Variants in IFI16 observed in about 807,000 individuals in gnomAD.
The protein encoded by IFI16 is interferon gamma inducible protein 16, also known as gamma-interferon-inducible protein 16.
A neutral mutation model predicts 68.4 loss-of-function variants in IFI16; 49 were observed. The observed-to-expected ratio is 0.72, with a 90% CI of 0.57 to 0.91. The LOEUF is 0.91. Ranked by LOEUF, IFI16 falls within the 40% of genes least tolerant of loss-of-function variation. The pLI, the probability that IFI16 is intolerant of heterozygous loss-of-function variation, is 0.00. For missense variants in IFI16, 878 were observed against 942.9 expected (o/e 0.93, Z 0.90); for synonymous variants, 307 against 315.0 (o/e 0.97, Z 0.27).
At chr1:159,017,333 C>T (rs1652997258) in intron 4 of IFI16, among the ~76,000 whole-genome samples, 2 of 152,172 alleles carry the variant, frequency 1.3e-5, no homozygotes, top group Non-Finnish European at 2.9e-5. Flanking sequence ...TGTGTTCTCA[C>T]CTGCTGTAAG....
chr1:159,042,264 A>G (rs1654694678), intron 7 of IFI16, among the ~76,000 whole-genome samples: 1 of 152,108 alleles, frequency 6.6e-6, no homozygotes, highest in Non-Finnish European at 1.5e-5. Context: ...TTGATTGGAA[A>G]CCCAAAGCAT....
At chr1:159,050,885 T>A (rs1351792680) in intron 9 of IFI16, among the ~76,000 whole-genome samples, 1 of 152,202 alleles carries the variant, frequency 6.6e-6, no homozygotes, top group Non-Finnish European at 1.5e-5. Context: ...GCTGCCTTAA[T>A]GATGTTTTTG....
chr1:159,024,557 C>G (rs1388426750), intron 6 of IFI16, among the ~76,000 whole-genome samples: 1 of 152,186 alleles, frequency 6.6e-6, no homozygotes, highest in Non-Finnish European at 1.5e-5. Flanking sequence ...GTCCCATTTA[C>G]TACAAGGTTG....
chr1:159,010,609 A>G (rs1404170902), intron 1 of IFI16, among the ~76,000 whole-genome samples: 1 of 152,156 alleles, frequency 6.6e-6, no homozygotes, highest in African/African-American at 2.4e-5. Flanking sequence ...CATCATCCCA[A>G]TTTTACAAAA....
At chr1:159,031,680 G>A (rs930516661) in intron 6 of IFI16, among the ~76,000 whole-genome samples, 2 of 152,120 alleles carry the variant, frequency 1.3e-5, no homozygotes, top group African/African-American at 4.8e-5. Context: ...GGCACTCACA[G>A]TTTTTCTGCT....
rs536873229 is a variant in IFI16 at position 159,048,758 on chromosome 1, G to T, written c.1498-674G>T. Among the ~76,000 whole-genome samples the T allele has an allele frequency of 8.0e-4, 121 of 151,610 alleles. 3 individuals carry two copies. The highest frequency in any genetic ancestry group is 2.8e-3 in the African/African-American group (115 of 41,434). Reference sequence around the variant, plus strand: ...TGGACTTCCATTAGTTTAATTAAAGGTAGTCAAGGTATGTGATTTTAGAGA... The same window carrying T: ...TGGACTTCCATTAGTTTAATTAAAGTTAGTCAAGGTATGTGATTTTAGAGA... On this transcript the variant is annotated intron_variant, in intron 8 of 11. Coordinates refer to ENST00000295809, the MANE Select transcript of IFI16 (RefSeq NM_001376587.1).
At chr1:159,011,159 G>A (rs1035800063) in intron 1 of IFI16, among the ~76,000 whole-genome samples, 4 of 152,074 alleles carry the variant, frequency 2.6e-5, no homozygotes, top group African/African-American at 7.2e-5. Flanking sequence ...CAAGGCGAGC[G>A]GATCACTTGA....
upstream of IFI16, among the ~76,000 whole-genome samples, chr1:159,005,122 T>C (rs1652206852): frequency 1.3e-5 from 2 of 152,186 alleles, no homozygotes; most frequent in African/African-American, 2.4e-5. Context: ...TTCGCCCCGT[T>C]TGTCATGTGA....
chr1:159,011,007 T>G (rs567815914), intron 1 of IFI16, among the ~76,000 whole-genome samples: 28 of 152,374 alleles, frequency 1.8e-4, no homozygotes, highest in African/African-American at 6.5e-4. Context: ...ATTACGTTGT[T>G]CAAATTTATT....
At chr1:159,052,542 TA>T (rs1655428665) in intron 10 of IFI16, 1 of 160,516 alleles carries the variant, frequency 6.2e-6, no homozygotes, top group Non-Finnish European at 1.4e-5. Context: ...AGAAATAAAA[TA>T]GACTACTCTG....
chr1:159,026,390 C>T (rs1158657606), intron 6 of IFI16, among the ~76,000 whole-genome samples: 1 of 151,832 alleles, frequency 6.6e-6, no homozygotes, highest in Non-Finnish European at 1.5e-5. Context: ...CCTCTGTCTC[C>T]CGGGTTCAAG....
intron 8 of IFI16, among the ~76,000 whole-genome samples, chr1:159,048,244 C>T (rs1376155416): frequency 2.0e-5 from 3 of 151,326 alleles, no homozygotes; most frequent in Admixed American, 6.6e-5. Flanking sequence ...ATTTATTGAG[C>T]ATTTACTGAG....
intron 6 of IFI16, among the ~76,000 whole-genome samples, chr1:159,024,489 C>T (rs189261656): frequency 8.9e-4 from 135 of 152,270 alleles, no homozygotes; most frequent in African/African-American, 3.1e-3. Context: ...GGTTTTAGAT[C>T]TGCACAAACC....
chr1:159,052,122 A>G (rs1284489970), intron 10 of IFI16, 24 bp downstream of exon 10: 2 of 1,563,106 alleles, frequency 1.3e-6, no homozygotes, highest in Non-Finnish European at 1.7e-6. Context: ...ATTGTTTTAT[A>G]AAATTTCTCC....
At chr1:159,046,620 A>G (rs559736233) in intron 8 of IFI16, among the ~76,000 whole-genome samples, 1 of 151,124 alleles carries the variant, frequency 6.6e-6, no homozygotes, top group East Asian at 1.9e-4. Context: ...CTCTCTCACC[A>G]TACATCAGAG....
intron 6 of IFI16, among the ~76,000 whole-genome samples, chr1:159,027,514 C>G (rs12120311): frequency 0.32 from 48,495 of 151,580 alleles, 10,639 homozygotes; most frequent in African/African-American, 0.63. Context: ...TCCTTTCCTG[C>G]TTTTGGTATT....
rs375711819 is a variant in IFI16 at position 159,013,238 on chromosome 1, C to T, written c.-20-1423C>T. Reference sequence around the variant, plus strand: ...GGCTGGAGTGTAGTGGCACGATCTCCGCTCACTGCAACCTCCGTCTCCTGG... The same window carrying T: ...GGCTGGAGTGTAGTGGCACGATCTCTGCTCACTGCAACCTCCGTCTCCTGG... On this transcript the variant is annotated intron_variant, in intron 1 of 11. Transcript: ENST00000295809. Among the ~76,000 whole-genome samples, 23 of 147,966 alleles carry T rather than the reference C, an allele frequency of 1.6e-4. No individual in the cohort carries two copies. In the South Asian group the frequency reaches 4.5e-3, roughly 29 times the overall value.
At chr1:159,022,682 G>GC (rs1433393032) in intron 6 of IFI16, among the ~76,000 whole-genome samples, 1 of 152,226 alleles carries the variant, frequency 6.6e-6, no homozygotes, top group Non-Finnish European at 1.5e-5. Context: ...ATCAGTATAA[G>GC]CATGTTAGGG....
chr1:159,005,128 T>C (rs912979348), upstream of IFI16, among the ~76,000 whole-genome samples: 3 of 152,188 alleles, frequency 2.0e-5, no homozygotes, highest in African/African-American at 7.2e-5. Context: ...CCGTTTGTCA[T>C]GTGAGGACAC....
Sources: gnomAD v4.1 joint callset for allele counts (sites outside exome capture counted in the v4.1 genomes callset) on GRCh38, gnomAD v4.1.1 for gene constraint, MANE v1.5 for transcripts, NCBI Gene and HGNC (gene_info 2026-07-23, HGNC 2026-07-21) for gene names.